The following TACC2 variants were observed in gnomAD, a reference collection of about 807,000 sequenced individuals.
The protein encoded by TACC2 is transforming acidic coiled-coil containing protein 2, also known as transforming acidic coiled-coil-containing protein 2.
Under a neutral mutation model 227.3 loss-of-function variants are expected in TACC2, and 137 were observed. That is an observed-to-expected ratio of 0.60 (90% CI 0.52 to 0.69). TACC2 has a LOEUF of 0.69. Among genes scored for constraint, TACC2 ranks in the 30% least tolerant of loss-of-function variants. The pLI is 0.00. For synonymous variants in TACC2, 1,523 were observed against 1,487.5 expected (o/e 1.02, Z -0.55); for missense variants, 3,470 against 3,694.4 (o/e 0.94, Z 1.57).
chr10:122,119,418 T>C (rs1376208033), intron 5 of TACC2, among the ~76,000 whole-genome samples: 2 of 152,206 alleles, frequency 1.3e-5, no homozygotes, highest in African/African-American at 4.8e-5. Context: ...ATGTGATTTC[T>C]GTGCCCAGTG....
At chr10:122,007,935 C>T (rs1408665697) in intron 1 of TACC2, among the ~76,000 whole-genome samples, 2 of 152,104 alleles carry the variant, frequency 1.3e-5, no homozygotes, top group African/African-American at 2.4e-5. Context: ...GCCAATTTGG[C>T]GTACTCTAGC....
At chr10:122,095,345 G>A (rs1256066027) in intron 5 of TACC2, among the ~76,000 whole-genome samples, 2 of 152,196 alleles carry the variant, frequency 1.3e-5, no homozygotes, top group African/African-American at 4.8e-5. Context: ...GCCTTGCGGG[G>A]CATTTGACTC....
In TACC2 at chr10:122,211,199, C is replaced by G; in HGVS notation, c.6774C>G (p.Ala2258=). The G allele has an allele frequency of 3.7e-6, 6 of 1,613,830 alleles. No homozygotes were observed. The highest frequency in any genetic ancestry group is 5.1e-6 in the Non-Finnish European group (6 of 1,179,910). Residue 2258 remains alanine (A), a synonymous_variant, in exon 9 of 23, where the codon GCC becomes GCG. Coordinates refer to ENST00000369005, the MANE Select transcript of TACC2 (RefSeq NM_206862.4). ...GCGGGGGGCAAGAGGACTCTCCAGC[C>G]AAAGGGCTCTCCGTAAGGCTGGAGT... ...SDSGGQEDSP[A]KGLSVRLEFD...
chr10:122,203,938 TCGC>T (rs2094996062), intron 8 of TACC2, among the ~76,000 whole-genome samples: 1 of 151,842 alleles, frequency 6.6e-6, no homozygotes. Context: ...GGCGGATCAC[TCGC>T]GGTTAGGGGC....
chr10:122,082,142 T>C (rs1235542279), intron 3 of TACC2, among the ~76,000 whole-genome samples: 1 of 152,118 alleles, frequency 6.6e-6, no homozygotes, highest in Non-Finnish European at 1.5e-5. Context: ...ACCCCATCTC[T>C]ACAAAAAATT....
chr10:122,223,669 A>C (rs1275689364), intron 11 of TACC2, among the ~76,000 whole-genome samples: 1 of 152,206 alleles, frequency 6.6e-6, no homozygotes, highest in Non-Finnish European at 1.5e-5. Context: ...AGCTCATTTT[A>C]AAGCTGATAT....
chr10:122,166,970 T>C (rs80152107), intron 7 of TACC2, among the ~76,000 whole-genome samples: 11,129 of 152,256 alleles, frequency 0.073, 488 homozygotes, highest in Middle Eastern at 0.092. Context: ...CTGCTGTTCA[T>C]CCCTTGATTC....
At chr10:122,061,888 C>T (rs1321258020) in intron 3 of TACC2, among the ~76,000 whole-genome samples, 1 of 151,930 alleles carries the variant, frequency 6.6e-6, no homozygotes, top group Non-Finnish European at 1.5e-5. Flanking sequence ...GGGGCTAGGT[C>T]TTCAAAACTG....
chr10:122,031,604 C>T lies in TACC2; in HGVS notation c.33+9590C>T, dbSNP rs529699240. Reference sequence around the variant, plus strand: ...ATTTTTAGTAGAGATGGGGTTTCACCGTGTTAGCCAGGTTGGTCTCGATCT... The same window carrying T: ...ATTTTTAGTAGAGATGGGGTTTCACTGTGTTAGCCAGGTTGGTCTCGATCT... On this transcript the variant is annotated intron_variant, in intron 2 of 22. Coordinates refer to ENST00000369005, the MANE Select transcript of TACC2 (RefSeq NM_206862.4). 3.6e-4 allele frequency among the ~76,000 whole-genome samples: 55 copies of T among 151,860 alleles called. No homozygotes were observed. The East Asian group carries it at 7.8e-3, about 21-fold the overall frequency.
At chr10:122,064,368 A>T (rs1169845596) in intron 3 of TACC2, among the ~76,000 whole-genome samples, 1 of 152,206 alleles carries the variant, frequency 6.6e-6, no homozygotes, top group Non-Finnish European at 1.5e-5. Context: ...TATTTGTTTC[A>T]ACTAATGGGC....
At chr10:122,101,195 C>T (rs1241476222) in intron 5 of TACC2, among the ~76,000 whole-genome samples, 1 of 151,930 alleles carries the variant, frequency 6.6e-6, no homozygotes, top group Non-Finnish European at 1.5e-5. Flanking sequence ...ATATTAGTCT[C>T]ATGAGGTCTC....
intron 16 of TACC2, among the ~76,000 whole-genome samples, chr10:122,231,104 G>A (rs1294354024): frequency 3.3e-5 from 5 of 152,326 alleles, no homozygotes; most frequent in Non-Finnish European, 7.3e-5. Context: ...TTTGGCCTGT[G>A]GAGTTTCCCA....
intron 9 of TACC2, among the ~76,000 whole-genome samples, chr10:122,212,884 G>T (rs1018380870): frequency 6.6e-6 from 1 of 152,228 alleles, no homozygotes; most frequent in East Asian, 1.9e-4. Context: ...TTGGAAACTT[G>T]ATTTCAAGCC....
At chr10:122,131,852 A>T (rs1254662901) in intron 5 of TACC2, among the ~76,000 whole-genome samples, 1 of 151,142 alleles carries the variant, frequency 6.6e-6, no homozygotes, top group East Asian at 2.0e-4. Flanking sequence ...TGAAACCCCA[A>T]CTCTACTAGA....
intron 19 of TACC2, chr10:122,247,873 C>T (rs1172724366): frequency 2.0e-5 from 3 of 152,186 alleles, no homozygotes; most frequent in Admixed American, 6.5e-5. Context: ...TGTAACCAAC[C>T]TGCACATGTG....
intron 9 of TACC2, 74 bp from the exon 10 acceptor site, chr10:122,215,317 C>T (rs1164952938): frequency 3.1e-5 from 42 of 1,366,430 alleles, no homozygotes; most frequent in Admixed American, 2.4e-4. Flanking sequence ...GCAGTAGCTT[C>T]GGTCCGCTCT....
chr10:122,065,961 T>A (rs979388047), intron 3 of TACC2, among the ~76,000 whole-genome samples: 3 of 152,216 alleles, frequency 2.0e-5, no homozygotes, highest in African/African-American at 7.2e-5. Context: ...ACAGCCTGAT[T>A]AGTGTTTGCA....
intron 7 of TACC2, among the ~76,000 whole-genome samples, chr10:122,161,773 G>A (rs12355672): frequency 0.047 from 7,138 of 152,328 alleles, 244 homozygotes; most frequent in Middle Eastern, 0.088. Flanking sequence ...AGGCTTGGCT[G>A]AAGGCCAGTT....
At chr10:122,143,733 A>G in intron 7 of TACC2, 27 bp downstream of exon 7, 1 of 1,606,012 alleles carries the variant, frequency 6.2e-7, no homozygotes, top group Non-Finnish European at 8.5e-7. Context: ...CCTCCACAGC[A>G]CCTGCCCCCG....
Sources: gnomAD v4.1 joint callset for allele counts (sites outside exome capture counted in the v4.1 genomes callset) on GRCh38, gnomAD v4.1.1 for gene constraint, MANE v1.5 for transcripts, NCBI Gene and HGNC (gene_info 2026-07-23, HGNC 2026-07-21) for gene names.